The following PRKCQ variants were observed in gnomAD, a reference collection of about 807,000 sequenced individuals.
PRKCQ encodes protein kinase C theta.
In PRKCQ, 41 loss-of-function variants were observed where a neutral mutation model predicts 91.2. The ratio of observed to expected loss-of-function variants is 0.45; its 90% CI spans 0.35 to 0.58. PRKCQ has a LOEUF of 0.58. PRKCQ is among the 20% of genes least tolerant of loss of function. PRKCQ has a pLI of 0.00. For missense variants in PRKCQ, 673 were observed against 896.5 expected, an observed-to-expected ratio of 0.75 and a Z score of 3.18; for synonymous variants, 307 against 316.9, an observed-to-expected ratio of 0.97 and a Z score of 0.33.
chr10:6,428,089 G>GTCTT lies in PRKCQ; in HGVS notation c.*114_*117dup. 1 of 1,335,488 alleles carries GTCTT rather than the reference G, an allele frequency of 7.5e-7. No homozygotes were observed. Among genetic ancestry groups the GTCTT allele is most frequent in the Non-Finnish European group, 1.0e-6 (1 of 954,202 alleles). 82.7% of individuals were successfully genotyped at this position (1,335,488 alleles called of 1,614,324 possible). A position where few individuals can be genotyped will look rare whatever the true frequency, so the allele number is the denominator to read the frequency against. On this transcript the variant is annotated 3_prime_UTR_variant, in exon 18 of 18. Transcript: ENST00000263125. ...GTCACATGGGGGCGAACGGGTCTCA[G>GTCTT]TCTTTATTGTTGAGTGTTTCTTTCT...
At chr10:6,570,553 CTTTTTT>C (rs34824156) in intron 1 of PRKCQ, among the ~76,000 whole-genome samples, 3 of 135,208 alleles carry the variant, frequency 2.2e-5, no homozygotes, top group Admixed American at 7.4e-5. Context: ...TAAGGGGCTT[CTTTTTT>C]TTTTTTTTTT....
At chr10:6,516,594 T>C (rs1398650950) in intron 1 of PRKCQ, among the ~76,000 whole-genome samples, 1 of 152,196 alleles carries the variant, frequency 6.6e-6, no homozygotes, top group Non-Finnish European at 1.5e-5. Context: ...AGACAAAACT[T>C]CATTTCTCCA....
the PRKCQ span, among the ~76,000 whole-genome samples, chr10:6,414,568 C>T: frequency 2.6e-5 from 4 of 152,048 alleles, no homozygotes; most frequent in African/African-American, 9.7e-5. Context: ...TCCATACATT[C>T]AAAAAGCTAG....
chr10:6,427,644 TA>T lies in PRKCQ; in HGVS notation c.*562del. On this transcript the variant is annotated 3_prime_UTR_variant, in exon 18 of 18. Transcript: ENST00000263125. The stretch of plus-strand genomic sequence containing the variant: ...ATGAATGGATTTGTAGATCTCAAGT[TA>T]CAAGCTATGTTTATTGTAAAGAATT... 3 of 152,468 alleles carry T rather than the reference TA, an allele frequency of 2.0e-5. No homozygotes were observed. The highest frequency in any genetic ancestry group is 6.5e-5 in the Admixed American group (1 of 15,348). 9.4% of individuals were successfully genotyped at this position (152,468 alleles called of 1,614,324 possible). A position where few individuals can be genotyped will look rare whatever the true frequency, so the allele number is the denominator to read the frequency against.
chr10:6,523,484 A>C (rs564111431), intron 1 of PRKCQ, among the ~76,000 whole-genome samples: 1 of 152,258 alleles, frequency 6.6e-6, no homozygotes, highest in African/African-American at 2.4e-5. Flanking sequence ...TATAAATTGA[A>C]GATAATATTT....
downstream of PRKCQ, among the ~76,000 whole-genome samples, chr10:6,426,727 A>C (rs1487571703): frequency 6.6e-6 from 1 of 152,198 alleles, no homozygotes; most frequent in Non-Finnish European, 1.5e-5. Context: ...TATAATATCT[A>C]AAGTTATTTC....
At chr10:6,519,609 G>A (rs1376979471) in intron 1 of PRKCQ, among the ~76,000 whole-genome samples, 2 of 152,112 alleles carry the variant, frequency 1.3e-5, no homozygotes. Flanking sequence ...TTCCCGATAA[G>A]CAAATGCAGA....
the PRKCQ span, among the ~76,000 whole-genome samples, chr10:6,397,706 C>T: frequency 2.6e-5 from 4 of 152,152 alleles, no homozygotes; most frequent in African/African-American, 9.7e-5. Context: ...GGGTGGATCA[C>T]CTGAGGTCAG....
In PRKCQ at chr10:6,526,602, C is replaced by T. The variant is rs573627482; in HGVS notation, c.-9-11458G>A. 4.7e-4 allele frequency among the ~76,000 whole-genome samples: 71 copies of T among 152,164 alleles called. No individual in the cohort carries two copies. In the South Asian group the frequency reaches 8.5e-3, roughly 18 times the overall value. Reference sequence around the variant, plus strand: ...ACAGACAATGGCAGGTGAACGTTCCCGGCCGAAACATGGGTGTGAGGTCGG... The same window carrying T: ...ACAGACAATGGCAGGTGAACGTTCCTGGCCGAAACATGGGTGTGAGGTCGG... On this transcript the variant is annotated intron_variant, in intron 1 of 17. Coordinates refer to ENST00000263125, the MANE Select transcript of PRKCQ (RefSeq NM_006257.5).
intron 3 of PRKCQ, among the ~76,000 whole-genome samples, chr10:6,508,704 C>T (rs1226680588): frequency 6.6e-6 from 1 of 152,108 alleles, no homozygotes; most frequent in Non-Finnish European, 1.5e-5. Flanking sequence ...TGGTAAGGGG[C>T]CTGCTTCCAA....
intron 15 of PRKCQ, among the ~76,000 whole-genome samples, chr10:6,447,331 T>G (rs1834365402): frequency 1.4e-5 from 2 of 145,160 alleles, no homozygotes; most frequent in Admixed American, 7.2e-5. Flanking sequence ...TGCCTGAACC[T>G]GGGAGGCGGA....
intron 1 of PRKCQ, among the ~76,000 whole-genome samples, chr10:6,578,860 G>A (rs1389758260): frequency 6.6e-6 from 1 of 152,162 alleles, no homozygotes; most frequent in Non-Finnish European, 1.5e-5. Flanking sequence ...AGATAAGTTA[G>A]GGAAAATATG....
intron 8 of PRKCQ, among the ~76,000 whole-genome samples, chr10:6,489,078 G>C (rs1020519365): frequency 1.1e-4 from 17 of 152,144 alleles, no homozygotes; most frequent in Non-Finnish European, 1.2e-4. Flanking sequence ...ACCGTGCCCG[G>C]CCTAAAATCT....
At chr10:6,559,714 TTTC>T (rs773839018) in intron 1 of PRKCQ, among the ~76,000 whole-genome samples, 50 of 152,302 alleles carry the variant, frequency 3.3e-4, no homozygotes, top group Middle Eastern at 6.8e-3. Context: ...ATCAGATATT[TTTC>T]TTCACTCTCC....
chr10:6,498,705 G>A, intron 4 of PRKCQ, 147 bp from the exon 5 acceptor site: 1 of 698,528 alleles, frequency 1.4e-6, no homozygotes, highest in Non-Finnish European at 2.4e-6. Context: ...ACTCATTATG[G>A]TGGGTACCAC....
At chr10:6,421,646 T>C in the PRKCQ span, among the ~76,000 whole-genome samples, 2 of 152,238 alleles carry the variant, frequency 1.3e-5, no homozygotes, top group Admixed American at 6.5e-5. The surrounding 1 kb of genome is among the most constrained non-coding windows in gnomAD (Gnocchi z 4.1). Flanking sequence ...GTGGTGCATT[T>C]TGTTCATGAC....
intron 1 of PRKCQ, among the ~76,000 whole-genome samples, chr10:6,570,489 A>C (rs1841000539): frequency 6.6e-6 from 1 of 152,070 alleles, no homozygotes; most frequent in South Asian, 2.1e-4. Context: ...ATTCCCAAGA[A>C]CAAGAAAGAA....
intron 1 of PRKCQ, among the ~76,000 whole-genome samples, chr10:6,554,998 G>A (rs962345711): frequency 1.1e-4 from 17 of 152,146 alleles, no homozygotes; most frequent in Admixed American, 9.2e-4. Context: ...TGCAGCTAGA[G>A]GCTATGATCC....
chr10:6,399,845 A>G, the PRKCQ span, among the ~76,000 whole-genome samples: 1 of 152,094 alleles, frequency 6.6e-6, no homozygotes, highest in African/African-American at 2.4e-5. Flanking sequence ...TAGACAATCA[A>G]TTCCAAGGGC....
Sources: allele counts gnomAD v4.1 joint callset (sites outside exome capture counted in the v4.1 genomes callset), GRCh38; gene constraint gnomAD v4.1.1; non-coding constraint Gnocchi (gnomAD v3.1); transcripts MANE v1.5; gene names NCBI Gene and HGNC (gene_info 2026-07-23, HGNC 2026-07-21).